The following ATG9A variants were observed in gnomAD, a reference collection of about 807,000 sequenced individuals.
ATG9A encodes autophagy-related protein 9A.
In ATG9A, 21 loss-of-function variants were observed where a neutral mutation model predicts 87.1. That is an observed-to-expected ratio of 0.24 (90% CI 0.17 to 0.35). The LOEUF (loss-of-function observed/expected upper bound fraction) is 0.35. Among genes scored for constraint, ATG9A ranks in the 10% least tolerant of loss-of-function variants. ATG9A has a pLI of 1.00. For missense variants in ATG9A, 836 were observed against 1,107.3 expected, an observed-to-expected ratio of 0.76 and a Z score of 3.48; for synonymous variants, 422 against 441.3, an observed-to-expected ratio of 0.96 and a Z score of 0.55.
chr2:219,220,138 AG>A lies in ATG9A; in HGVS notation c.*308del, dbSNP rs1950720651. On this transcript the variant is annotated 3_prime_UTR_variant, in exon 16 of 16. Transcript: ENST00000361242. ...CGTGGGCAGCCCTCTGGGGACTTGC[AG>A]GGGTAGGTGTAAAGGTGGCAGTACT... The A allele has an allele frequency of 4.8e-6, 2 of 415,700 alleles. No homozygotes were observed. Among genetic ancestry groups the A allele is most frequent in the East Asian group, 7.4e-5 (2 of 27,064 alleles). 25.8% of individuals were successfully genotyped at this position (415,700 alleles called of 1,614,324 possible). A position where few individuals can be genotyped will look rare whatever the true frequency, so the allele number is the denominator to read the frequency against.
chr2:219,224,010 C>T lies in ATG9A; in HGVS notation c.1278G>A (p.Pro426=), dbSNP rs767717841. ...VTVTVCRSFI[P]DQHMVFCPEQ... is the part of the protein sequence containing the mutation. ...CAGGGCAGAACACCATGTGCTGGTC[C>T]GGGATAAAGGACCTAGTGGGATCAG... Residue 426 remains proline (P), a synonymous_variant, in exon 9 of 16, where the codon CCG becomes CCA. Coordinates refer to ENST00000361242, the MANE Select transcript of ATG9A (RefSeq NM_001077198.3). The surrounding 1 kb of genome is among the most constrained non-coding windows in gnomAD (Gnocchi z 7.7). The T allele has an allele frequency of 1.7e-5, 28 of 1,610,988 alleles. No homozygotes were observed. The highest frequency in any genetic ancestry group is 6.7e-5 in the East Asian group (3 of 44,860).
Position 219,224,949 on chromosome 2 carries a change from G to A in ATG9A, c.517-95C>T, listed in dbSNP as rs1950831838. 9.5e-6 allele frequency: 15 copies of A among 1,575,402 alleles called. No homozygotes were observed. The highest frequency in any genetic ancestry group is 1.2e-5 in the Non-Finnish European group (14 of 1,153,976). On this transcript the variant is annotated intron_variant, in intron 7 of 15. Coordinates refer to ENST00000361242, the MANE Select transcript of ATG9A (RefSeq NM_001077198.3). The surrounding 1 kb of genome is among the most constrained non-coding windows in gnomAD (Gnocchi z 7.7). The stretch of plus-strand genomic sequence containing the variant: ...ATTAGAAGTGAGATTCAGGGGTTGT[G>A]AGCTTAAGAGACAGTTCCTGATTTG...
chr2:219,229,335 C>CCTCGCGCGCGGCCCCGGCG lies in ATG9A; in HGVS notation c.-82+181_-82+199dup, dbSNP rs1950951675. On this transcript the variant is annotated intron_variant, in intron 1 of 15. Coordinates refer to ENST00000361242, the MANE Select transcript of ATG9A (RefSeq NM_001077198.3). This position sits in a 1 kb window ranked among gnomAD's most constrained non-coding sequence, Gnocchi z 4.2. ...GCTGGCAGCTCCCAACAGCGGACAA[C>CCTCGCGCGCGGCCCCGGCG]CTCGCGCGCGGCCCCGGCGCCCGCG... The CCTCGCGCGCGGCCCCGGCG allele has an allele frequency of 6.6e-6, 1 of 151,732 alleles. No homozygotes were observed. Among genetic ancestry groups the CCTCGCGCGCGGCCCCGGCG allele is most frequent in the Non-Finnish European group, 1.5e-5 (1 of 67,842 alleles). The allele number at this position is 151,732 out of a possible 1,614,324, so 9.4% of individuals were successfully genotyped here.
rs537917341 is a variant in ATG9A, at chr2:219,220,353, G to A, written c.*94C>T. The A allele has an allele frequency of 2.0e-6, 3 of 1,506,890 alleles. No homozygotes were observed. Among genetic ancestry groups the A allele is most frequent in the Non-Finnish European group, 2.8e-6 (3 of 1,090,300 alleles). The allele number at this position is 1,506,890 out of a possible 1,614,324, so 93.3% of individuals were successfully genotyped here. On this transcript the variant is annotated 3_prime_UTR_variant, in exon 16 of 16. Transcript: ENST00000361242. ...CAAACACCACACACGTGGGGCCAGG[G>A]AACACTCAGAGGAGCCGTCCCATGG...
In ATG9A at chr2:219,220,407, G is replaced by A. The variant is rs1950726492; in HGVS notation, c.*40C>T. ...GCAGACGGGATGGCAGGGCAGCGGT[G>A]GCCTCCATCCTGGGCCACAGGAACC... On this transcript the variant is annotated 3_prime_UTR_variant, in exon 16 of 16. Transcript: ENST00000361242. The A allele has an allele frequency of 1.2e-6, 2 of 1,611,228 alleles. No homozygotes were observed. The highest frequency in any genetic ancestry group is 1.7e-6 in the Non-Finnish European group (2 of 1,177,786).
rs191373964 is a variant in ATG9A, at chr2:219,224,016, A to G, written c.1272T>C (p.Phe424=). 1.7e-5 allele frequency: 28 copies of G among 1,610,940 alleles called. No individual in the cohort carries two copies. In the African/African-American group the frequency reaches 2.4e-4, roughly 14 times the overall value. The change falls in exon 9 of 16, where the codon TTT becomes TTC. Residue 424 remains phenylalanine, a synonymous_variant. Transcript: ENST00000361242. This position sits in a 1 kb window ranked among gnomAD's most constrained non-coding sequence, Gnocchi z 7.7. ...AGAACACCATGTGCTGGTCCGGGAT[A>G]AAGGACCTAGTGGGATCAGGATCAT... The part of the protein sequence containing the change: ...LGVTVTVCRS[F]IPDQHMVFCP...
chr2:219,222,240 G>T lies in ATG9A; in HGVS notation c.2027+32C>A, dbSNP rs1232278136. ...CCCACACAAGCTGCTGAGGGCTGCC[G>T]TGCCCTCCCATCTTGGCCCCGATTT... On this transcript the variant is annotated intron_variant, in intron 12 of 15. Coordinates refer to ENST00000361242, the MANE Select transcript of ATG9A (RefSeq NM_001077198.3). This position sits in a 1 kb window ranked among gnomAD's most constrained non-coding sequence, Gnocchi z 4.3. The T allele has an allele frequency of 6.2e-7, 1 of 1,613,236 alleles. No homozygotes were observed. The highest frequency in any genetic ancestry group is 1.7e-5 in the Admixed American group (1 of 59,990).
At position 219,225,216 on chromosome 2, in the gene ATG9A, G is replaced by A; in HGVS notation, c.375-4C>T. The A allele has an allele frequency of 6.2e-7, 1 of 1,614,110 alleles. No individual in the cohort carries two copies. The highest frequency in any genetic ancestry group is 8.5e-7 in the Non-Finnish European group (1 of 1,179,988). Reference sequence around the variant, plus strand: ...AAGGGAGCCATTTTCCTGAATCCTGGTGGGGAAAAAGAAGGGGAGGAGAGG... The same window carrying A: ...AAGGGAGCCATTTTCCTGAATCCTGATGGGGAAAAAGAAGGGGAGGAGAGG... On this transcript the variant is annotated splice_polypyrimidine_tract_variant and splice_region_variant and intron_variant, in intron 6 of 15. Coordinates refer to ENST00000361242, the MANE Select transcript of ATG9A (RefSeq NM_001077198.3).
Position 219,219,538 on chromosome 2 carries a change from T to A in ATG9A, c.*909A>T, listed in dbSNP as rs1163998731. ...GAGTAGGAGCAGTCCCAGCATGCAG[T>A]GCAGCAGCCCAAAGCCTCGGGCGAG... On this transcript the variant is annotated 3_prime_UTR_variant, in exon 16 of 16. Transcript: ENST00000361242. The A allele has an allele frequency of 6.6e-6, 1 of 152,646 alleles. No homozygotes were observed. Among genetic ancestry groups the A allele is most frequent in the Non-Finnish European group, 1.5e-5 (1 of 68,108 alleles). The allele number at this position is 152,646 out of a possible 1,614,324, so 9.5% of individuals were successfully genotyped here.
chr2:219,223,953 G>T lies in ATG9A; in HGVS notation c.1335C>A (p.Ile445=), dbSNP rs201936034. The part of the protein sequence containing the change: ...EQLLRVILAH[I]HYMPDHWQGN... ...CCTGCCAGTGGTCAGGCATGTAGTG[G>T]ATGTGAGCGAGGATCACGCGGAGCA... The change falls in exon 9 of 16, where the codon ATC becomes ATA. Residue 445 remains isoleucine (I), a synonymous_variant. Coordinates refer to ENST00000361242, the MANE Select transcript of ATG9A (RefSeq NM_001077198.3). The surrounding 1 kb of genome is among the most constrained non-coding windows in gnomAD (Gnocchi z 4.7). The T allele has an allele frequency of 1.2e-6, 2 of 1,614,204 alleles. No individual in the cohort carries two copies. The highest frequency in any genetic ancestry group is 1.7e-6 in the Non-Finnish European group (2 of 1,180,050).
Position 219,220,289 on chromosome 2 carries a change from G to T in ATG9A, c.*158C>A. On this transcript the variant is annotated 3_prime_UTR_variant, in exon 16 of 16. Transcript: ENST00000361242. Reference sequence around the variant, plus strand: ...AATTCCTCTCCTGGGGCTGTGGCAAGCCCAGTGTTGGCACCTCCCTTGGCC... The same window carrying T: ...AATTCCTCTCCTGGGGCTGTGGCAATCCCAGTGTTGGCACCTCCCTTGGCC... The T allele has an allele frequency of 2.1e-6, 2 of 960,840 alleles. No homozygotes were observed. The highest frequency in any genetic ancestry group is 3.1e-6 in the Non-Finnish European group (2 of 646,752). The allele number at this position is 960,840 out of a possible 1,614,324, so 59.5% of individuals were successfully genotyped here. A position where few individuals can be genotyped will look rare whatever the true frequency, so the allele number is the denominator to read the frequency against.
chr2:219,220,873 C>T lies in ATG9A; in HGVS notation c.2388G>A (p.Arg796=). 5.6e-6 allele frequency: 9 copies of T among 1,613,164 alleles called. No homozygotes were observed. Among genetic ancestry groups the T allele is most frequent in the Non-Finnish European group, 7.6e-6 (9 of 1,179,928 alleles). Reference sequence around the variant, plus strand: ...GCAGCCGAGAGAAATGAGAGGGAACCCTGGGCACTGTGCCAGGATCTGGAG... The same window carrying T: ...GCAGCCGAGAGAAATGAGAGGGAACTCTGGGCACTGTGCCAGGATCTGGAG... The part of the protein sequence containing the change: ...GGITDPGTVP[R]VPSHFSRLPL... The change falls in exon 15 of 16, where the codon AGG becomes AGA. Residue 796 remains arginine (R), a synonymous_variant. Coordinates refer to ENST00000361242, the MANE Select transcript of ATG9A (RefSeq NM_001077198.3).
In ATG9A at chr2:219,220,153, G is replaced by T. The variant is rs979437891; in HGVS notation, c.*294C>A. 1.9e-5 allele frequency: 9 copies of T among 464,638 alleles called. No homozygotes were observed. The highest frequency in any genetic ancestry group is 3.1e-5 in the Non-Finnish European group (8 of 257,264). The allele number at this position is 464,638 out of a possible 1,614,324, so 28.8% of individuals were successfully genotyped here. ...GGGGACTTGCAGGGGTAGGTGTAAA[G>T]GTGGCAGTACTGGGGCTGGGCTGGG... On this transcript the variant is annotated 3_prime_UTR_variant, in exon 16 of 16. Transcript: ENST00000361242.
At chr2:219,225,681 G>A in intron 5 of ATG9A, 109 bp from the exon 6 acceptor site, 2 of 1,266,434 alleles carry the variant, frequency 1.6e-6, no homozygotes, top group Non-Finnish European at 2.2e-6. Flanking sequence ...GGAACTGGAA[G>A]GGCCTGGAGA....
chr2:219,223,563 T>C lies in ATG9A; in HGVS notation c.1599+22A>G. 3 of 1,575,304 alleles carry C rather than the reference T, an allele frequency of 1.9e-6. No homozygotes were observed. The South Asian group carries it at 3.5e-5, about 18-fold the overall frequency. On this transcript the variant is annotated intron_variant, in intron 10 of 15. Transcript: ENST00000361242. The surrounding 1 kb of genome is among the most constrained non-coding windows in gnomAD (Gnocchi z 4.7). ...TGTTCCAGCATCATCCCAGGCCACC[T>C]GGCTCCCTCCTCTCCCAGTACCTGG...
In ATG9A at chr2:219,224,823, A is replaced by G; in HGVS notation, c.548T>C (p.Val183Ala). The G allele has an allele frequency of 6.2e-7, 1 of 1,614,008 alleles. No individual in the cohort carries two copies. The highest frequency in any genetic ancestry group is 8.5e-7 in the Non-Finnish European group (1 of 1,180,012). The change falls in exon 8 of 16, where the codon GTG becomes GCG. Residue 183 changes from valine to alanine, a missense_variant. Around this residue, in one of 2 missense-constraint regions of ATG9A, gnomAD observed 512 missense variants for 759.6 expected, o/e 0.67. Transcript: ENST00000361242. The surrounding 1 kb of genome is among the most constrained non-coding windows in gnomAD (Gnocchi z 7.7). ...CTGCGTCTGCACGATCCGGGCCTGC[A>G]CTTCTTGCCACGTGCAATACGGAAG... ...SALPYCTWQE[V>A]QARIVQTQKE...
rs568908389 is a variant in ATG9A, at chr2:219,224,486, G to A, written c.885C>T (p.Ile295=). The change falls in exon 8 of 16, where the codon ATC becomes ATT. Residue 295 remains isoleucine (I), a synonymous_variant. Coordinates refer to ENST00000361242, the MANE Select transcript of ATG9A (RefSeq NM_001077198.3). This position sits in a 1 kb window ranked among gnomAD's most constrained non-coding sequence, Gnocchi z 7.7. ...TGAGGGGGCACAGCAGGAAGTTAGC[G>A]ATGCCAATCCACAGGATGCGGTTGC... ...RLSNRILWIG[I]ANFLLCPLIL... is the part of the protein sequence containing the mutation. 34 of 1,614,034 alleles carry A rather than the reference G, an allele frequency of 2.1e-5. No individual in the cohort carries two copies. The African/African-American group carries it at 3.2e-4, about 15-fold the overall frequency.
Position 219,222,160 on chromosome 2 carries a change from C to T in ATG9A, c.2035G>A (p.Ala679Thr). Residue 679 changes from alanine (A) to threonine (T), a missense_variant, in exon 13 of 16, where the codon GCC (alanine) becomes ACC (threonine). This residue lies in a region of ATG9A where 324 missense variants were observed against 347.6 expected (regional missense o/e 0.93). Transcript: ENST00000361242. This position sits in a 1 kb window ranked among gnomAD's most constrained non-coding sequence, Gnocchi z 4.3. ...CTGCTCCCGGAGCTGGCTGTCCTGG[C>T]ATCCACCCTGTCTCTCCCAACAGAG... The part of the protein sequence containing the change: ...HSTMTGSGVD[A>T]RTASSGSSVW... 6.2e-7 allele frequency: 1 copy of T among 1,613,596 alleles called. No homozygotes were observed. Among genetic ancestry groups the T allele is most frequent in the Non-Finnish European group, 8.5e-7 (1 of 1,179,896 alleles).
intron 5 of ATG9A, among the ~76,000 whole-genome samples, chr2:219,226,422 T>A (rs1950861967): frequency 6.6e-6 from 1 of 152,244 alleles, no homozygotes; most frequent in Non-Finnish European, 1.5e-5. Context: ...TGGTGGCTCA[T>A]GCCTATAATC....
Sources: gnomAD v4.1 joint callset for allele counts (sites outside exome capture counted in the v4.1 genomes callset) on GRCh38, gnomAD v4.1.1 for gene constraint, gnomAD v4.1.1 regional missense constraint, Gnocchi (gnomAD v3.1) non-coding constraint, MANE v1.5 for transcripts, NCBI Gene and HGNC (gene_info 2026-07-23, HGNC 2026-07-21) for gene names.